Variants in NR2F1-AS1 observed in about 807,000 individuals in gnomAD.
NR2F1-AS1 encodes NR2F1 regulatory antisense RNA 1, also known as NR2F1 antisense RNA 1.
At chr5:93,465,266 G>A (rs894571433) in intron 4 of NR2F1-AS1, among the ~76,000 whole-genome samples, 3 of 152,164 alleles carry the variant, frequency 2.0e-5, no homozygotes, top group Non-Finnish European at 4.4e-5. Flanking sequence ...GTGGGCAAAG[G>A]ATATGAACAG....
At chr5:93,481,790 A>G (rs1163511912) in intron 4 of NR2F1-AS1, among the ~76,000 whole-genome samples, 1 of 152,152 alleles carries the variant, frequency 6.6e-6, no homozygotes, top group Non-Finnish European at 1.5e-5. Flanking sequence ...GAAATTAAAT[A>G]ACATATTCTT....
chr5:93,434,932 C>T (rs10076309), intron 4 of NR2F1-AS1, among the ~76,000 whole-genome samples: 3,134 of 152,150 alleles, frequency 0.021, 106 homozygotes, highest in African/African-American at 0.072. Flanking sequence ...TTGGTTTGTC[C>T]AATTATTGGC....
At chr5:93,467,564 T>C (rs1750266190) in intron 4 of NR2F1-AS1, among the ~76,000 whole-genome samples, 1 of 152,254 alleles carries the variant, frequency 6.6e-6, no homozygotes, top group African/African-American at 2.4e-5. Flanking sequence ...TGTTATCTGT[T>C]TCGTGTTCTA....
chr5:93,562,748 A>C (rs1224338440), intron 2 of NR2F1-AS1, among the ~76,000 whole-genome samples: 2 of 152,226 alleles, frequency 1.3e-5, no homozygotes, highest in Non-Finnish European at 2.9e-5. Context: ...GCAAAAGACC[A>C]TATCAATTAT....
chr5:93,463,146 T>C (rs1165802333), intron 4 of NR2F1-AS1, among the ~76,000 whole-genome samples: 2 of 152,318 alleles, frequency 1.3e-5, no homozygotes, highest in East Asian at 3.9e-4. Context: ...AATGGTTTCA[T>C]GGGCCATGCA....
chr5:93,494,041 G>C (rs971690582), intron 4 of NR2F1-AS1, among the ~76,000 whole-genome samples: 7 of 152,034 alleles, frequency 4.6e-5, no homozygotes, highest in African/African-American at 1.4e-4. Flanking sequence ...GGATATTACA[G>C]AATGGGAAAA....
chr5:93,535,051 A>G (rs1751811657), intron 4 of NR2F1-AS1, among the ~76,000 whole-genome samples: 1 of 152,180 alleles, frequency 6.6e-6, no homozygotes, highest in Non-Finnish European at 1.5e-5. Context: ...ACTAAATACA[A>G]TATCTGCAAA....
chr5:93,490,900 T>A (rs1580271935), intron 4 of NR2F1-AS1, among the ~76,000 whole-genome samples: 1 of 145,888 alleles, frequency 6.9e-6, no homozygotes, highest in African/African-American at 2.6e-5. Context: ...GTGGTTGTGG[T>A]AGTGGTGGTG....
intron 4 of NR2F1-AS1, among the ~76,000 whole-genome samples, chr5:93,475,296 GC>G (rs1750458953): frequency 6.6e-6 from 1 of 152,018 alleles, no homozygotes; most frequent in African/African-American, 2.4e-5. Flanking sequence ...CTGAACACAG[GC>G]CGTGTCTTTT....
intron 4 of NR2F1-AS1, among the ~76,000 whole-genome samples, chr5:93,505,795 C>T (rs1290820909): frequency 2.0e-5 from 3 of 152,184 alleles, no homozygotes; most frequent in African/African-American, 7.2e-5. Flanking sequence ...TTCTTCCGGG[C>T]CTCCAGGCTT....
chr5:93,492,296 T>C (rs1229151891), intron 4 of NR2F1-AS1, among the ~76,000 whole-genome samples: 1 of 152,090 alleles, frequency 6.6e-6, no homozygotes, highest in Non-Finnish European at 1.5e-5. Flanking sequence ...ACAGACAGAC[T>C]CAGTATTCAA....
chr5:93,477,933 T>A (rs1750518585), intron 4 of NR2F1-AS1, among the ~76,000 whole-genome samples: 1 of 152,240 alleles, frequency 6.6e-6, no homozygotes, highest in Admixed American at 6.5e-5. Flanking sequence ...AATGCAGTGC[T>A]ATGTATTACC....
intron 4 of NR2F1-AS1, among the ~76,000 whole-genome samples, chr5:93,467,526 C>T (rs1750264931): frequency 6.6e-6 from 1 of 152,174 alleles, no homozygotes; most frequent in Non-Finnish European, 1.5e-5. Context: ...GTTGATTTGA[C>T]TTTAAGTCCC....
intron 2 of NR2F1-AS1, among the ~76,000 whole-genome samples, chr5:93,556,160 ATC>A (rs769535372): frequency 6.6e-6 from 1 of 151,976 alleles, no homozygotes; most frequent in Non-Finnish European, 1.5e-5. Context: ...GCCCATCTAA[ATC>A]TCAACTTCAT....
At chr5:93,503,026 T>C (rs1751116210) in intron 4 of NR2F1-AS1, among the ~76,000 whole-genome samples, 1 of 152,170 alleles carries the variant, frequency 6.6e-6, no homozygotes, top group East Asian at 1.9e-4. Context: ...GTGAGAAGGA[T>C]AGAAACTAGA....
intron 4 of NR2F1-AS1, among the ~76,000 whole-genome samples, chr5:93,449,536 C>A (rs1174114622): frequency 6.6e-6 from 1 of 152,034 alleles, no homozygotes; most frequent in African/African-American, 2.4e-5. Context: ...TTTACTAAAC[C>A]TAATATTTCT....
chr5:93,446,734 C>T (rs956613236), intron 4 of NR2F1-AS1, among the ~76,000 whole-genome samples: 1 of 152,088 alleles, frequency 6.6e-6, no homozygotes, highest in African/African-American at 2.4e-5. Flanking sequence ...AAAAAGAGCC[C>T]ACATTGCCAA....
intron 4 of NR2F1-AS1, among the ~76,000 whole-genome samples, chr5:93,442,711 G>C (rs574512188): frequency 6.6e-6 from 1 of 152,320 alleles, no homozygotes; most frequent in East Asian, 1.9e-4. Context: ...CCAGCACAGA[G>C]TTTGAGATCT....
chr5:93,559,674 T>C (rs1580333416), intron 2 of NR2F1-AS1, among the ~76,000 whole-genome samples: 2 of 152,308 alleles, frequency 1.3e-5, no homozygotes, highest in Admixed American at 6.5e-5. Flanking sequence ...GGCACAACAC[T>C]TTCAATCTTA....
Sources: allele counts gnomAD v4.1 joint callset (sites outside exome capture counted in the v4.1 genomes callset), GRCh38; gene constraint gnomAD v4.1.1; transcripts MANE v1.5; gene names NCBI Gene and HGNC (gene_info 2026-07-23, HGNC 2026-07-21).